Variants in VSTM5 observed in about 807,000 individuals in gnomAD.
VSTM5 encodes the protein V-set and transmembrane domain-containing protein 5.
In VSTM5, 21 loss-of-function variants were observed where a neutral mutation model predicts 20.3. The observed-to-expected ratio is 1.03, with a 90% CI of 0.73 to 1.49. VSTM5 has a LOEUF of 1.49. VSTM5 is among the 40% of genes most tolerant of loss of function. The pLI is 0.00. For synonymous variants in VSTM5, 100 were observed against 102.5 expected, an observed-to-expected ratio of 0.98 and a Z score of 0.14; for missense variants, 219 against 250.0, an observed-to-expected ratio of 0.88 and a Z score of 0.84.
At chr11:93,846,766 ATTTTT>A (rs143745842) in intron 1 of VSTM5, among the ~76,000 whole-genome samples, 3 of 94,648 alleles carry the variant, frequency 3.2e-5, no homozygotes, top group Admixed American at 3.1e-4. Context: ...ATTTTTTTTA[ATTTTT>A]TTTTTTTTTT....
Position 93,850,392 on chromosome 11 carries a change from G to C in VSTM5, c.91+20C>G, listed in dbSNP as rs1591406318. ...CCCATTCCCGCTCCCCCAGCACCCG[G>C]GGCGTCCCCCGGAGCTTACTCTGCA... On this transcript the variant is annotated intron_variant, in intron 1 of 3. Coordinates refer to ENST00000409977, the MANE Select transcript of VSTM5 (RefSeq NM_001144871.2). 9 of 1,545,690 alleles carry C rather than the reference G, an allele frequency of 5.8e-6. No individual in the cohort carries two copies. Among genetic ancestry groups the C allele is most frequent in the Non-Finnish European group, 7.9e-6 (9 of 1,144,564 alleles).
At chr11:93,834,600 ATGT>A (rs1311867965) in intron 1 of VSTM5, among the ~76,000 whole-genome samples, 5 of 304 alleles carry the variant, frequency 0.016, no homozygotes, top group Non-Finnish European at 0.069. Context: ...AACATGGCAC[ATGT>A]AAAGTCCGGG....
chr11:93,832,273 A>G (rs562105566), intron 1 of VSTM5, among the ~76,000 whole-genome samples: 26 of 152,384 alleles, frequency 1.7e-4, no homozygotes, highest in African/African-American at 5.3e-4. Context: ...AGATGATCTC[A>G]AAAATAATGA....
At chr11:93,847,747 T>A (rs1042806190) in intron 1 of VSTM5, among the ~76,000 whole-genome samples, 4 of 152,218 alleles carry the variant, frequency 2.6e-5, no homozygotes, top group Non-Finnish European at 5.9e-5. Flanking sequence ...CTGCCAGCTT[T>A]CCGAGCCCAT....
Position 93,820,779 on chromosome 11 carries a change from A to G in VSTM5, c.523T>C (p.Tyr175His), listed in dbSNP as rs944862903. The stretch of plus-strand genomic sequence containing the variant: ...TGTCTTCTCTTCCTCTGAAATTTAT[A>G]TGCACACTTATTACAAACCCACATG... Reference protein sequence around the residue: ...SLMWVCNKCAYKFQRKRRHKL... With the variant: ...SLMWVCNKCAHKFQRKRRHKL... Residue 175 changes from tyrosine to histidine, a missense_variant, in exon 3 of 4, where the codon TAT becomes CAT. Tyr to His is a moderately conservative substitution (Grantham distance 83, BLOSUM62 2). Transcript: ENST00000409977. 1.9e-6 allele frequency: 3 copies of G among 1,551,632 alleles called. No homozygotes were observed. The highest frequency in any genetic ancestry group is 1.7e-6 in the Non-Finnish European group (2 of 1,147,004).
At chr11:93,833,714 TCAA>T (rs1944300679) in intron 1 of VSTM5, among the ~76,000 whole-genome samples, 1 of 152,178 alleles carries the variant, frequency 6.6e-6, no homozygotes, top group South Asian at 2.1e-4. Context: ...CTCTCCTCTC[TCAA>T]CAACGTGAGC....
At chr11:93,832,208 T>C (rs1944288642) in intron 1 of VSTM5, among the ~76,000 whole-genome samples, 1 of 152,240 alleles carries the variant, frequency 6.6e-6, no homozygotes. Flanking sequence ...ATTCATGTTT[T>C]GGGATATTAC....
At chr11:93,846,605 G>A (rs1473798511) in intron 1 of VSTM5, among the ~76,000 whole-genome samples, 1 of 152,020 alleles carries the variant, frequency 6.6e-6, no homozygotes, top group Non-Finnish European at 1.5e-5. Context: ...AGTGGGGTCT[G>A]GCTAAGTAAA....
intron 1 of VSTM5, among the ~76,000 whole-genome samples, chr11:93,844,481 GCAAAGCCTTCCCAAGCTC>G (rs1365687896): frequency 6.6e-6 from 1 of 152,144 alleles, no homozygotes; most frequent in Non-Finnish European, 1.5e-5. Flanking sequence ...CACCCAAGAT[GCAAAGCCTTCCCAAGCTC>G]CAAAACCTTC....
chr11:93,846,764 TA>T (rs1300932516), intron 1 of VSTM5, among the ~76,000 whole-genome samples: 5 of 101,604 alleles, frequency 4.9e-5, no homozygotes, highest in Non-Finnish European at 8.8e-5. Context: ...AAATTTTTTT[TA>T]ATTTTTTTTT....
chr11:93,822,759 G>A lies in VSTM5; in HGVS notation c.92-1436C>T, dbSNP rs193004038. Among the ~76,000 whole-genome samples, 225 of 152,212 alleles carry A rather than the reference G, an allele frequency of 1.5e-3. 2 individuals carry two copies. The highest frequency in any genetic ancestry group is 5.1e-3 in the African/African-American group (210 of 41,542). ...CCTTCTCGGCCTCCCATAATGTTGG[G>A]ATTACAGGCATGAGCCACCATGCCC... On this transcript the variant is annotated intron_variant, in intron 1 of 3. Transcript: ENST00000409977.
intron 1 of VSTM5, among the ~76,000 whole-genome samples, chr11:93,843,387 G>C (rs11020534): frequency 8.0e-4 from 121 of 151,842 alleles, no homozygotes; most frequent in South Asian, 1.9e-3. Context: ...ACAGGGGTTG[G>C]TCTGTCTTGG....
chr11:93,850,344 G>A (rs1187603411), intron 1 of VSTM5, 68 bp downstream of exon 1: 16 of 1,409,260 alleles, frequency 1.1e-5, no homozygotes, highest in South Asian at 2.6e-5. Flanking sequence ...GCTAGACCCC[G>A]GGGCCCCGCC....
chr11:93,840,744 C>G (rs749454791), intron 1 of VSTM5, among the ~76,000 whole-genome samples: 1 of 152,152 alleles, frequency 6.6e-6, no homozygotes, highest in Non-Finnish European at 1.5e-5. Context: ...GATCACGGAA[C>G]TAGATTGCAG....
chr11:93,818,670 G>A lies in VSTM5; in HGVS notation c.*1899C>T, dbSNP rs1248230034. The A allele has an allele frequency of 1.3e-5, 2 of 152,088 alleles. No homozygotes were observed. The highest frequency in any genetic ancestry group is 4.8e-5 in the African/African-American group (2 of 41,410). 9.4% of individuals were successfully genotyped at this position (152,088 alleles called of 1,614,324 possible). ...AGCAGAGTTCTGAAAGGCAGGTAGT[G>A]TGGAAGAGGACATGCTGGCCCCAGC... On this transcript the variant is annotated 3_prime_UTR_variant, in exon 4 of 4. Transcript: ENST00000409977.
At chr11:93,844,104 A>C (rs574209528) in intron 1 of VSTM5, among the ~76,000 whole-genome samples, 1 of 152,280 alleles carries the variant, frequency 6.6e-6, no homozygotes, top group South Asian at 2.1e-4. Flanking sequence ...AATCACCAGC[A>C]CACAGCAGTA....
chr11:93,828,694 C>A (rs996447075), intron 1 of VSTM5, among the ~76,000 whole-genome samples: 9 of 152,174 alleles, frequency 5.9e-5, no homozygotes, highest in African/African-American at 1.2e-4. Flanking sequence ...ATCTGGAAAA[C>A]AACTTATTCA....
At chr11:93,850,365 T>C in intron 1 of VSTM5, 47 bp downstream of exon 1, 2 of 1,126,186 alleles carry the variant, frequency 1.8e-6, no homozygotes, top group Non-Finnish European at 1.3e-6. Flanking sequence ...CGTGCCCCCC[T>C]ACCCATTCCC....
intron 1 of VSTM5, among the ~76,000 whole-genome samples, chr11:93,831,378 C>T (rs527474082): frequency 1.3e-5 from 2 of 152,278 alleles, no homozygotes; most frequent in South Asian, 2.1e-4. Context: ...GAAACACCTG[C>T]CTGCCAGTAA....
Sources: allele counts gnomAD v4.1 joint callset (sites outside exome capture counted in the v4.1 genomes callset), GRCh38; gene constraint gnomAD v4.1.1; transcripts MANE v1.5; gene names NCBI Gene and HGNC (gene_info 2026-07-23, HGNC 2026-07-21).